TADA2A: variants seen among roughly 807,000 people sequenced by gnomAD.
TADA2A encodes transcriptional adaptor 2A.
Under a neutral mutation model 67.4 loss-of-function variants are expected in TADA2A, and 38 were observed. The ratio of observed to expected loss-of-function variants is 0.56; its 90% CI spans 0.44 to 0.74. The LOEUF (loss-of-function observed/expected upper bound fraction) is 0.74. TADA2A is among the 30% of genes least tolerant of loss of function. TADA2A has a pLI of 0.00. For synonymous variants in TADA2A, 192 were observed against 181.6 expected (o/e 1.06, Z -0.46); for missense variants, 454 against 547.0 (o/e 0.83, Z 1.70).
At chr17:37,464,292 C>T (rs853205) in intron 10 of TADA2A, among the ~76,000 whole-genome samples, 72,115 of 152,018 alleles carry the variant, frequency 0.47, 17,744 homozygotes, top group East Asian at 0.79. Flanking sequence ...TGGAGAAAGG[C>T]AAAATGACCC....
intron 4 of TADA2A, among the ~76,000 whole-genome samples, chr17:37,435,150 G>T (rs548810668): frequency 1.3e-5 from 2 of 152,332 alleles, no homozygotes; most frequent in South Asian, 4.1e-4. Flanking sequence ...TTGCTACTGG[G>T]TTGGTCATTT....
At chr17:37,459,544 A>C (rs575114113) in intron 9 of TADA2A, among the ~76,000 whole-genome samples, 1 of 150,876 alleles carries the variant, frequency 6.6e-6, no homozygotes, top group South Asian at 2.1e-4. Context: ...CTGCCTCCCA[A>C]AGTGCTGGGA....
At chr17:37,410,826 C>T (rs1429891854) in intron 1 of TADA2A, among the ~76,000 whole-genome samples, 15 of 152,112 alleles carry the variant, frequency 9.9e-5, no homozygotes, top group Non-Finnish European at 2.2e-4. Context: ...TGATTGGCAG[C>T]CCCACCAGTA....
At chr17:37,416,994 CTG>C (rs1399931693) in intron 2 of TADA2A, among the ~76,000 whole-genome samples, 1 of 152,048 alleles carries the variant, frequency 6.6e-6, no homozygotes, top group Non-Finnish European at 1.5e-5. Context: ...CAGTTGGGCT[CTG>C]TGTATCAAAA....
intron 8 of TADA2A, among the ~76,000 whole-genome samples, chr17:37,453,453 T>C (rs2053286380): frequency 6.6e-6 from 1 of 152,198 alleles, no homozygotes; most frequent in Non-Finnish European, 1.5e-5. Flanking sequence ...AGTTGTTCCA[T>C]GGAGGCACCT....
chr17:37,448,553 A>G (rs943299277), intron 8 of TADA2A, among the ~76,000 whole-genome samples: 1 of 152,162 alleles, frequency 6.6e-6, no homozygotes, highest in Non-Finnish European at 1.5e-5. Flanking sequence ...CTCAATGCAC[A>G]TGCTTAGTGT....
In TADA2A at chr17:37,431,294, A is replaced by G. The variant is rs550895554; in HGVS notation, c.192+4285A>G. Among the ~76,000 whole-genome samples, 25 of 152,282 alleles carry G rather than the reference A, an allele frequency of 1.6e-4. No individual in the cohort carries two copies. The South Asian group carries it at 4.8e-3, about 29-fold the overall frequency. ...TGGGTCAGGCATTCAGATTAGGCAC[A>G]GTGAGGGTGGCTCTTGGCTCCACAT... On this transcript the variant is annotated intron_variant, in intron 4 of 15. Coordinates refer to ENST00000615182, the MANE Select transcript of TADA2A (RefSeq NM_001166105.3).
At position 37,438,025 on chromosome 17, in the gene TADA2A, T is replaced by A. The variant is rs867360991; in HGVS notation, c.284+196T>A. On this transcript the variant is annotated intron_variant, in intron 5 of 15. Transcript: ENST00000615182. ...ATGTGTCACGAGGATATGGGATGTT[T>A]AGCGGTCCATGACTGAGCAGCTTTA... 5.2e-6 allele frequency: 3 copies of A among 577,480 alleles called. No homozygotes were observed. In the South Asian group the frequency reaches 6.4e-5, roughly 12 times the overall value. 35.8% of individuals were successfully genotyped at this position (577,480 alleles called of 1,614,324 possible). A position where few individuals can be genotyped will look rare whatever the true frequency, so the allele number is the denominator to read the frequency against.
intron 3 of TADA2A, among the ~76,000 whole-genome samples, chr17:37,424,359 T>TA (rs2052339845): frequency 7.0e-6 from 1 of 142,164 alleles, no homozygotes; most frequent in South Asian, 2.2e-4. Flanking sequence ...CAGGAGAATC[T>TA]TTTTTTTTTT....
chr17:37,422,006 G>A (rs969198472), intron 2 of TADA2A, among the ~76,000 whole-genome samples: 5 of 144,436 alleles, frequency 3.5e-5, no homozygotes, highest in Non-Finnish European at 7.7e-5. Context: ...AGCCTCCTGT[G>A]TAGCTGGGAC....
intron 8 of TADA2A, among the ~76,000 whole-genome samples, chr17:37,453,486 G>A (rs1597913492): frequency 6.6e-6 from 1 of 152,264 alleles, no homozygotes; most frequent in Non-Finnish European, 1.5e-5. Context: ...TCTGGGAAAG[G>A]CAGCTGGAGC....
At chr17:37,475,205 C>G (rs2053868370) in intron 15 of TADA2A, among the ~76,000 whole-genome samples, 2 of 150,758 alleles carry the variant, frequency 1.3e-5, no homozygotes, top group South Asian at 4.2e-4. Context: ...GGAGACTTGC[C>G]CTGTCACCCA....
At chr17:37,468,406 G>C (rs947591646) in intron 12 of TADA2A, among the ~76,000 whole-genome samples, 1 of 152,112 alleles carries the variant, frequency 6.6e-6, no homozygotes, top group Non-Finnish European at 1.5e-5. Flanking sequence ...CTAGAACCAG[G>C]TCATAAGAGA....
intron 4 of TADA2A, among the ~76,000 whole-genome samples, chr17:37,434,439 C>T (rs9910310): frequency 0.059 from 8,923 of 152,212 alleles, 316 homozygotes; most frequent in Middle Eastern, 0.099. Context: ...TTCAGCAGCC[C>T]GGAAGCTCCT....
intron 2 of TADA2A, among the ~76,000 whole-genome samples, chr17:37,421,856 A>G (rs573015093): frequency 1.9e-5 from 1 of 53,950 alleles, no homozygotes; most frequent in South Asian, 6.7e-4. Flanking sequence ...AGAACAGTAC[A>G]ATGATGATGA....
At chr17:37,430,744 T>G (rs1212603194) in intron 4 of TADA2A, among the ~76,000 whole-genome samples, 2 of 152,222 alleles carry the variant, frequency 1.3e-5, no homozygotes, top group African/African-American at 4.8e-5. Context: ...GCCTTGTGCC[T>G]TCTTTGGTGT....
rs1459153257 is a variant in TADA2A at position 37,458,509 on chromosome 17, T to C, written c.605-15T>C. The C allele has an allele frequency of 1.3e-6, 2 of 1,599,630 alleles. No homozygotes were observed. The highest frequency in any genetic ancestry group is 1.7e-5 in the Admixed American group (1 of 59,836). The stretch of plus-strand genomic sequence containing the variant: ...ATGATATGTATATATAGTATATGTA[T>C]GAATTTATTTGTAGCTCTGAAGATG... On this transcript the variant is annotated splice_polypyrimidine_tract_variant and intron_variant, in intron 8 of 15. Transcript: ENST00000615182.
intron 15 of TADA2A, among the ~76,000 whole-genome samples, chr17:37,475,024 T>C (rs1057030010): frequency 6.6e-5 from 10 of 152,242 alleles, no homozygotes; most frequent in Non-Finnish European, 2.9e-5. Flanking sequence ...TGAAAAGTTC[T>C]ATACTTATTC....
In TADA2A at chr17:37,415,844, A is replaced by G. The variant is rs184958846; in HGVS notation, c.25+4454A>G. Among the ~76,000 whole-genome samples, 4 of 147,844 alleles carry G rather than the reference A, an allele frequency of 2.7e-5. No homozygotes were observed. The East Asian group carries it at 8.3e-4, about 31-fold the overall frequency. ...AGCCAAGATTGTGCCACTGCACTCC[A>G]GCCTGGGCGACAAGAGTGAAACTCC... On this transcript the variant is annotated intron_variant, in intron 2 of 15. Coordinates refer to ENST00000615182, the MANE Select transcript of TADA2A (RefSeq NM_001166105.3).
Sources: gnomAD v4.1 joint callset for allele counts (sites outside exome capture counted in the v4.1 genomes callset) on GRCh38, gnomAD v4.1.1 for gene constraint, MANE v1.5 for transcripts, NCBI Gene and HGNC (gene_info 2026-07-23, HGNC 2026-07-21) for gene names.